ROBO2: variants seen among roughly 807,000 people sequenced by gnomAD.
ROBO2 encodes the protein roundabout homolog 2.
Under a neutral mutation model 160.8 loss-of-function variants are expected in ROBO2, and 53 were observed. The observed-to-expected ratio is 0.33, with a 90% CI of 0.26 to 0.41. The LOEUF (loss-of-function observed/expected upper bound fraction) is 0.41, where lower values mean the gene tolerates loss of function less well. ROBO2 is among the 10% of genes least tolerant of loss of function. The probability of loss-of-function intolerance (pLI) is 1.00; values close to 1 mark genes in which losing one functional copy is unlikely to be tolerated. For missense variants in ROBO2, 1,577 were observed against 1,722.4 expected, an observed-to-expected ratio of 0.92 and a Z score of 1.49; for synonymous variants, 664 against 611.7, an observed-to-expected ratio of 1.09 and a Z score of -1.26.
chr3:77,338,118 A>T (rs1378958117), intron 2 of ROBO2, among the ~76,000 whole-genome samples: 1 of 152,194 alleles, frequency 6.6e-6, no homozygotes, highest in Non-Finnish European at 1.5e-5. Context: ...GAAAACAGAC[A>T]TCAGAGAAGG....
intron 2 of ROBO2, among the ~76,000 whole-genome samples, chr3:77,391,770 G>T (rs907962356): frequency 6.6e-6 from 1 of 152,024 alleles, no homozygotes; most frequent in African/African-American, 2.4e-5. Context: ...TGTTGCCCAG[G>T]CTGGTCTTGA....
At chr3:77,585,687 C>G (rs1363777454) in intron 16 of ROBO2, among the ~76,000 whole-genome samples, 1 of 151,960 alleles carries the variant, frequency 6.6e-6, no homozygotes, top group Non-Finnish European at 1.5e-5. Context: ...AGATTTATTT[C>G]TTTTTAATAT....
intron 2 of ROBO2, among the ~76,000 whole-genome samples, chr3:76,484,384 CACTT>C (rs1040224160): frequency 6.6e-6 from 1 of 152,008 alleles, no homozygotes; most frequent in African/African-American, 2.4e-5. Context: ...AAGAAAAAAA[CACTT>C]AAGTATCTGT....
chr3:77,544,557 A>G (rs760423111), intron 6 of ROBO2, among the ~76,000 whole-genome samples: 4 of 152,096 alleles, frequency 2.6e-5, no homozygotes, highest in Non-Finnish European at 5.9e-5. Flanking sequence ...TTGTCTGGAA[A>G]AATGCTGCTG....
chr3:76,695,022 T>G (rs1432739319), intron 2 of ROBO2, among the ~76,000 whole-genome samples: 1 of 152,104 alleles, frequency 6.6e-6, no homozygotes, highest in Non-Finnish European at 1.5e-5. Flanking sequence ...GAGAATCGCT[T>G]GAATTCGGGA....
At chr3:77,647,056 T>C (rs1004090707) in exon 26 of ROBO2, 18 of 152,560 alleles carry the variant, frequency 1.2e-4, no homozygotes. Flanking sequence ...AAATGAACTC[T>C]AGAATATCTA....
exon 14 of ROBO2, chr3:77,574,528 C>G: frequency 6.2e-7 from 1 of 1,613,380 alleles, no homozygotes; most frequent in South Asian, 1.1e-5. Flanking sequence ...TTATCCAAGG[C>G]TACCGAGTGA....
rs536189880 is a variant in ROBO2 at position 76,791,734 on chromosome 3, G to C, written c.110-306280G>C. 2.6e-4 allele frequency among the ~76,000 whole-genome samples: 39 copies of C among 151,736 alleles called. No individual in the cohort carries two copies. In the East Asian group the frequency reaches 6.3e-3, roughly 24 times the overall value. ...GTGAGATGATATCTGGCTTTAAGCC[G>C]ATAAATTTGGGGTGCAATCAGCTCT... is the stretch of plus-strand genomic sequence containing the variant. On this transcript the variant is annotated intron_variant, in intron 2 of 26. Coordinates refer to the ROBO2 transcript ENST00000487694.
chr3:76,556,023 T>C (rs2108432847), intron 2 of ROBO2, among the ~76,000 whole-genome samples: 1 of 151,994 alleles, frequency 6.6e-6, no homozygotes, highest in East Asian at 1.9e-4. Context: ...CACTTTGAAC[T>C]CAGGAGGCAG....
chr3:77,055,245 A>T (rs558810238), intron 1 of ROBO2, among the ~76,000 whole-genome samples: 3 of 152,262 alleles, frequency 2.0e-5, no homozygotes, highest in African/African-American at 7.2e-5. Context: ...TTTGTAACAA[A>T]GAGCATATAA....
intron 2 of ROBO2, among the ~76,000 whole-genome samples, chr3:76,340,445 T>C (rs1269439954): frequency 6.6e-6 from 1 of 152,140 alleles, no homozygotes; most frequent in Non-Finnish European, 1.5e-5. Flanking sequence ...CTAACTGATA[T>C]ATTTCTAACC....
At chr3:77,512,016 T>A (rs1190873134) in intron 5 of ROBO2, among the ~76,000 whole-genome samples, 5 of 151,970 alleles carry the variant, frequency 3.3e-5, no homozygotes, top group South Asian at 4.1e-4. Context: ...TCACCCAAAC[T>A]GTGAACATTA....
At chr3:76,094,084 T>C (rs1307887246) in intron 2 of ROBO2, among the ~76,000 whole-genome samples, 1 of 151,982 alleles carries the variant, frequency 6.6e-6, no homozygotes, top group East Asian at 1.9e-4. Flanking sequence ...TGAGGAAGAA[T>C]AGGGGAATGT....
intron 2 of ROBO2, among the ~76,000 whole-genome samples, chr3:76,688,174 A>G (rs998581380): frequency 6.6e-6 from 1 of 152,110 alleles, no homozygotes; most frequent in Non-Finnish European, 1.5e-5. Context: ...GCATTTTCAC[A>G]TATATTATGC....
At chr3:76,399,739 T>G (rs1254630937) in intron 2 of ROBO2, among the ~76,000 whole-genome samples, 1 of 151,366 alleles carries the variant, frequency 6.6e-6, no homozygotes, top group Admixed American at 6.6e-5. Context: ...GTCAGGGGAG[T>G]CTACCCATAA....
At chr3:76,210,251 G>A (rs149328436) in intron 2 of ROBO2, among the ~76,000 whole-genome samples, 2,225 of 152,138 alleles carry the variant, frequency 0.015, 18 homozygotes, top group Non-Finnish European at 0.022. Flanking sequence ...CATATTTCTA[G>A]GAATCTTGTA....
intron 2 of ROBO2, among the ~76,000 whole-genome samples, chr3:77,468,194 T>C (rs1268412981): frequency 1.3e-5 from 2 of 152,194 alleles, no homozygotes; most frequent in East Asian, 1.9e-4. Context: ...AGCTAATGGA[T>C]AGGCTATGCA....
At chr3:77,367,185 G>A (rs911533336) in intron 2 of ROBO2, among the ~76,000 whole-genome samples, 8 of 152,056 alleles carry the variant, frequency 5.3e-5, no homozygotes, top group Admixed American at 2.0e-4. Context: ...CCAGGTTACC[G>A]TATGATCATA....
chr3:77,526,216 A>T (rs746599585), intron 6 of ROBO2, among the ~76,000 whole-genome samples: 9 of 151,468 alleles, frequency 5.9e-5, no homozygotes, highest in Non-Finnish European at 1.3e-4. Context: ...TTAATTGTGA[A>T]TAATATTATA....
Sources: allele counts gnomAD v4.1 joint callset (sites outside exome capture counted in the v4.1 genomes callset), GRCh38; gene constraint gnomAD v4.1.1; transcripts MANE v1.5; gene names NCBI Gene and HGNC (gene_info 2026-07-23, HGNC 2026-07-21).